The following FOXO1 variants were observed in gnomAD, a reference collection of about 807,000 sequenced individuals.
FOXO1 encodes forkhead box protein O1.
FOXO1 carries 6 observed loss-of-function variants against 44.1 expected under a neutral mutation model. The ratio of observed to expected loss-of-function variants is 0.14; its 90% CI spans 0.07 to 0.27. The LOEUF (loss-of-function observed/expected upper bound fraction) is 0.27. FOXO1 is among the 10% of genes least tolerant of loss of function. FOXO1 has a pLI of 1.00. For missense variants in FOXO1, 737 were observed against 888.8 expected (o/e 0.83, Z 2.17); for synonymous variants, 380 against 362.7 (o/e 1.05, Z -0.54).
intron 1 of FOXO1, among the ~76,000 whole-genome samples, chr13:40,596,976 C>T (rs1875602120): frequency 1.3e-5 from 2 of 152,176 alleles, no homozygotes; most frequent in African/African-American, 2.4e-5. Flanking sequence ...AGGAAGACAG[C>T]GCCTAAATCC....
chr13:40,576,337 A>G (rs758515061), intron 1 of FOXO1, among the ~76,000 whole-genome samples: 4 of 152,194 alleles, frequency 2.6e-5, no homozygotes, highest in Non-Finnish European at 4.4e-5. Flanking sequence ...AGAGGACAAC[A>G]GAGTAAAGTT....
At chr13:40,590,388 A>C (rs1303863243) in intron 1 of FOXO1, among the ~76,000 whole-genome samples, 1 of 152,200 alleles carries the variant, frequency 6.6e-6, no homozygotes, top group East Asian at 1.9e-4. Context: ...CTTCTTACAT[A>C]AAGACTCCAG....
chr13:40,631,859 A>AT (rs777569357), intron 1 of FOXO1, among the ~76,000 whole-genome samples: 18 of 152,378 alleles, frequency 1.2e-4, no homozygotes, highest in Middle Eastern at 6.8e-3. Flanking sequence ...ATGGGTTGGC[A>AT]TAACAAAATG....
Position 40,560,428 on chromosome 13 carries a change from T to A in FOXO1, c.1063A>T (p.Met355Leu). ...SMVYPPSAAK[M>L]ASTLPSLSEI... is the part of the protein sequence containing the mutation. ...GACAGACTGGGTAAAGTAGAGGCCATCTTTGCGGCAGATGGCGGGTACACC... is the reference window on the plus strand; with the variant it reads ...GACAGACTGGGTAAAGTAGAGGCCAACTTTGCGGCAGATGGCGGGTACACC... The change falls in exon 2 of 3, where the codon ATG becomes TTG. Residue 355 changes from methionine to leucine, a missense_variant. Around this residue, in one of 7 missense-constraint regions of FOXO1, gnomAD observed 136 missense variants for 186.4 expected, o/e 0.73. Coordinates refer to ENST00000379561, the MANE Select transcript of FOXO1 (RefSeq NM_002015.4). The surrounding 1 kb of genome is among the most constrained non-coding windows in gnomAD (Gnocchi z 5.1). The A allele has an allele frequency of 6.2e-7, 1 of 1,614,228 alleles. No individual in the cohort carries two copies. The highest frequency in any genetic ancestry group is 8.5e-7 in the Non-Finnish European group (1 of 1,180,034).
chr13:40,564,001 T>A (rs1486516392), intron 1 of FOXO1, among the ~76,000 whole-genome samples: 1 of 152,188 alleles, frequency 6.6e-6, no homozygotes, highest in African/African-American at 2.4e-5. Flanking sequence ...TAAGCTCCGA[T>A]GAAATCTCTG....
rs1873717039 is a variant in FOXO1 at position 40,555,694 on chromosome 13, T to C, written c.*3355A>G. On this transcript the variant is annotated 3_prime_UTR_variant, in exon 3 of 3. Transcript: ENST00000379561. ...GCTGACAAGACTTAACTCAAGTATT[T>C]AATAGCTTCACAAAAAATTCCTAAT... The C allele has an allele frequency of 1.3e-5, 2 of 152,640 alleles. No individual in the cohort carries two copies. Among genetic ancestry groups the C allele is most frequent in the South Asian group, 4.1e-4 (2 of 4,828 alleles). The allele number at this position is 152,640 out of a possible 1,614,324, so 9.5% of individuals were successfully genotyped here. A position where few individuals can be genotyped will look rare whatever the true frequency, so the allele number is the denominator to read the frequency against.
chr13:40,629,303 C>T (rs1216730462), intron 1 of FOXO1, among the ~76,000 whole-genome samples: 1 of 152,200 alleles, frequency 6.6e-6, no homozygotes, highest in Non-Finnish European at 1.5e-5. Context: ...CCACCACGCC[C>T]AGCTAATTTT....
intron 1 of FOXO1, among the ~76,000 whole-genome samples, chr13:40,622,490 T>A (rs1300477659): frequency 6.6e-6 from 1 of 152,196 alleles, no homozygotes; most frequent in Non-Finnish European, 1.5e-5. Flanking sequence ...ACTGGCTGCA[T>A]CTCCACAACA....
At chr13:40,605,984 CA>C (rs139088935) in intron 1 of FOXO1, among the ~76,000 whole-genome samples, 2,299 of 146,454 alleles carry the variant, frequency 0.016, 29 homozygotes, top group Admixed American at 0.025. Flanking sequence ...TCTGGGATGA[CA>C]AAAAAAAAAT....
At chr13:40,601,123 C>T (rs531274066) in intron 1 of FOXO1, among the ~76,000 whole-genome samples, 5 of 152,288 alleles carry the variant, frequency 3.3e-5, no homozygotes, top group African/African-American at 1.2e-4. Flanking sequence ...TCTTCCCTTT[C>T]ATCAGACTAC....
At chr13:40,648,647 T>C (rs181231003) in intron 1 of FOXO1, among the ~76,000 whole-genome samples, 9 of 152,254 alleles carry the variant, frequency 5.9e-5, no homozygotes, top group Non-Finnish European at 1.0e-4. Flanking sequence ...TTCCCCACAC[T>C]ATCACAGGAA....
chr13:40,614,729 G>A (rs1445318310), intron 1 of FOXO1, among the ~76,000 whole-genome samples: 1 of 152,132 alleles, frequency 6.6e-6, no homozygotes, highest in Non-Finnish European at 1.5e-5. Context: ...AGAAAGTCAG[G>A]GCTAAAAGAA....
chr13:40,645,989 C>A (rs1008738184), intron 1 of FOXO1, among the ~76,000 whole-genome samples: 10 of 151,742 alleles, frequency 6.6e-5, no homozygotes, highest in Non-Finnish European at 1.5e-4. Context: ...ATTGCTTGAA[C>A]CCAAGAGGCA....
intron 1 of FOXO1, among the ~76,000 whole-genome samples, chr13:40,640,869 T>C (rs1877328228): frequency 6.6e-6 from 1 of 152,060 alleles, no homozygotes; most frequent in Non-Finnish European, 1.5e-5. Context: ...CTGCAACCTC[T>C]GCCTCCTGGG....
intron 1 of FOXO1, among the ~76,000 whole-genome samples, chr13:40,640,662 G>A (rs960578279): frequency 3.3e-5 from 5 of 150,764 alleles, no homozygotes; most frequent in African/African-American, 9.7e-5. Context: ...TTTTGTCCTC[G>A]TCCCTTAACT....
chr13:40,604,465 T>G (rs1484282807), intron 1 of FOXO1, among the ~76,000 whole-genome samples: 1 of 152,070 alleles, frequency 6.6e-6, no homozygotes, highest in Admixed American at 6.5e-5. Flanking sequence ...TATCTTCCCA[T>G]GTGCTATTTA....
In FOXO1 at chr13:40,585,353, A is replaced by ACGCG. The variant is rs1423311487; in HGVS notation, c.631-24494_631-24493insCGCG. 2.6e-5 allele frequency among the ~76,000 whole-genome samples: 4 copies of ACGCG among 151,796 alleles called. No homozygotes were observed. The East Asian group carries it at 7.8e-4, about 30-fold the overall frequency. ...TTCCTCTGCGCGCGCGCACACACAC[A>ACGCG]CACACACACACACACACACAGCCAA... On this transcript the variant is annotated intron_variant, in intron 1 of 2. Coordinates refer to ENST00000379561, the MANE Select transcript of FOXO1 (RefSeq NM_002015.4).
chr13:40,628,677 G>T (rs967936801), intron 1 of FOXO1, among the ~76,000 whole-genome samples: 1 of 152,156 alleles, frequency 6.6e-6, no homozygotes, highest in Non-Finnish European at 1.5e-5. Context: ...TGGGGACATG[G>T]CCAACCTACT....
chr13:40,621,218 A>C, intron 1 of FOXO1: 1 of 691,316 alleles, frequency 1.4e-6, no homozygotes. Context: ...ACATAACTGG[A>C]AACAAGCTCA....
Sources: gnomAD v4.1 joint callset for allele counts (sites outside exome capture counted in the v4.1 genomes callset) on GRCh38, gnomAD v4.1.1 for gene constraint, gnomAD v4.1.1 regional missense constraint, Gnocchi (gnomAD v3.1) non-coding constraint, MANE v1.5 for transcripts, NCBI Gene and HGNC (gene_info 2026-07-23, HGNC 2026-07-21) for gene names.